CATSPERB: variants seen among roughly 807,000 people sequenced by gnomAD.
CATSPERB encodes cation channel sperm-associated auxiliary subunit beta.
Under a neutral mutation model 128.3 loss-of-function variants are expected in CATSPERB, and 93 were observed. That is an observed-to-expected ratio of 0.72 (90% CI 0.61 to 0.86). The LOEUF is 0.86. CATSPERB is among the 40% of genes least tolerant of loss of function. The probability of loss-of-function intolerance (pLI) is 0.00; values close to 1 mark genes in which losing one functional copy is unlikely to be tolerated. For synonymous variants in CATSPERB, 381 were observed against 448.8 expected (o/e 0.85, Z 1.91); for missense variants, 1,153 against 1,329.5 (o/e 0.87, Z 2.06).
intron 17 of CATSPERB, among the ~76,000 whole-genome samples, chr14:91,629,428 G>A (rs564379677): frequency 6.6e-6 from 1 of 152,292 alleles, no homozygotes; most frequent in African/African-American, 2.4e-5. Flanking sequence ...TCTTCTGTAT[G>A]ATATTGTGAT....
At chr14:91,633,977 C>CA (rs796567923) in intron 17 of CATSPERB, among the ~76,000 whole-genome samples, 28 of 151,578 alleles carry the variant, frequency 1.8e-4, no homozygotes, top group South Asian at 6.3e-4. Context: ...AAGGAAAAAA[C>CA]AAAAAAAATT....
chr14:91,674,285 G>A lies in CATSPERB; in HGVS notation c.932-63C>T, dbSNP rs1372504185. ...TATCTGTATTTCTAAAACTGGAAGG[G>A]TTAGTCTTAATAGTCTTCATGAAAA... On this transcript the variant is annotated intron_variant, in intron 11 of 26. Transcript: ENST00000256343. 4.0e-6 allele frequency: 4 copies of A among 1,011,962 alleles called. No homozygotes were observed. The South Asian group carries it at 4.2e-5, about 11-fold the overall frequency. 62.7% of individuals were successfully genotyped at this position (1,011,962 alleles called of 1,614,324 possible). A position where few individuals can be genotyped will look rare whatever the true frequency, so the allele number is the denominator to read the frequency against.
chr14:91,671,814 G>A (rs1356018647), intron 13 of CATSPERB, among the ~76,000 whole-genome samples: 2 of 152,018 alleles, frequency 1.3e-5, no homozygotes, highest in South Asian at 2.1e-4. Context: ...GGCAGATCAC[G>A]AGGTCAGGAG....
chr14:91,592,205 AC>A, intron 22 of CATSPERB: 1 of 568,496 alleles, frequency 1.8e-6, no homozygotes, highest in Admixed American at 3.2e-5. Context: ...GGTAATTTGA[AC>A]CCAAGTATTA....
intron 13 of CATSPERB, among the ~76,000 whole-genome samples, chr14:91,670,961 C>T (rs914925571): frequency 1.2e-4 from 19 of 152,108 alleles, no homozygotes; most frequent in Non-Finnish European, 1.5e-4. Flanking sequence ...CAAGATCGCT[C>T]CACTGCACTC....
chr14:91,710,301 T>A (rs918099922), intron 5 of CATSPERB: 5 of 152,228 alleles, frequency 3.3e-5, no homozygotes, highest in African/African-American at 1.2e-4. Context: ...TGAAAATGTA[T>A]CTTTTTTAAA....
intron 15 of CATSPERB, 22 bp downstream of exon 15, chr14:91,659,815 C>T (rs1387911917): frequency 2.5e-6 from 4 of 1,598,876 alleles, no homozygotes; most frequent in Non-Finnish European, 2.5e-6. Context: ...AATGCTTACA[C>T]CAGTGAAAGC....
At chr14:91,718,998 A>T (rs923291972) in intron 5 of CATSPERB, among the ~76,000 whole-genome samples, 16 of 152,212 alleles carry the variant, frequency 1.1e-4, no homozygotes, top group African/African-American at 3.9e-4. Context: ...TACATACAGT[A>T]GCATATGATG....
chr14:91,634,067 C>A (rs988731485), intron 17 of CATSPERB, among the ~76,000 whole-genome samples: 3 of 152,072 alleles, frequency 2.0e-5, no homozygotes, highest in Non-Finnish European at 4.4e-5. Context: ...ACTTTTAATT[C>A]CCCCCAAATT....
chr14:91,615,775 C>T (rs958470003), intron 20 of CATSPERB, among the ~76,000 whole-genome samples: 3 of 152,122 alleles, frequency 2.0e-5, no homozygotes, highest in Non-Finnish European at 2.9e-5. Flanking sequence ...ACACAGACAT[C>T]TTTTTGACAA....
intron 19 of CATSPERB, among the ~76,000 whole-genome samples, chr14:91,618,256 AG>A (rs1893981999): frequency 6.6e-6 from 1 of 152,134 alleles, no homozygotes; most frequent in Admixed American, 6.5e-5. Context: ...GGTTTTGCCC[AG>A]CTTCTTTACT....
At chr14:91,626,369 T>A in intron 17 of CATSPERB, among the ~76,000 whole-genome samples, 1 of 136,902 alleles carries the variant, frequency 7.3e-6, no homozygotes, top group South Asian at 2.4e-4. Flanking sequence ...CTTTTTTTTT[T>A]TTTTTTTTTT....
At chr14:91,708,498 G>A (rs1447227182) in intron 5 of CATSPERB, among the ~76,000 whole-genome samples, 1 of 152,176 alleles carries the variant, frequency 6.6e-6, no homozygotes, top group East Asian at 1.9e-4. Context: ...TCCTAGAGCT[G>A]TAGGGGCTTG....
chr14:91,705,153 TATC>T (rs1895714130), intron 6 of CATSPERB, among the ~76,000 whole-genome samples: 3 of 152,236 alleles, frequency 2.0e-5, no homozygotes, highest in African/African-American at 7.2e-5. Flanking sequence ...CAGGGACAGT[TATC>T]ATTAGTGGCC....
intron 9 of CATSPERB, among the ~76,000 whole-genome samples, chr14:91,692,326 TTACAATA>T (rs1350221662): frequency 3.9e-5 from 6 of 152,178 alleles, no homozygotes; most frequent in African/African-American, 1.4e-4. Context: ...AGGTCAGGAC[TTACAATA>T]TACAATCCCC....
rs765159629 is a variant in CATSPERB at position 91,723,153 on chromosome 14, C to T, written c.205G>A (p.Ala69Thr). The T allele has an allele frequency of 2.0e-6, 3 of 1,494,094 alleles. No individual in the cohort carries two copies. Among genetic ancestry groups the T allele is most frequent in the Non-Finnish European group, 1.8e-6 (2 of 1,120,992 alleles). 92.6% of individuals were successfully genotyped at this position (1,494,094 alleles called of 1,614,324 possible). ...AACACACTTAGCATTGCTTTTGATG[C>T]AATTTCATTTTCAGTTTGGAAGAAA... ...QCFFQTENEI[A>T]SKAMLSVFTS... Residue 69 changes from alanine (A) to threonine (T), a missense_variant, in exon 4 of 27, where the codon GCA (alanine) becomes ACA (threonine). Coordinates refer to ENST00000256343, the MANE Select transcript of CATSPERB (RefSeq NM_024764.4).
intron 15 of CATSPERB, among the ~76,000 whole-genome samples, chr14:91,639,983 A>AT (rs1162738494): frequency 6.6e-6 from 1 of 150,450 alleles, no homozygotes; most frequent in East Asian, 2.0e-4. Flanking sequence ...CAGTTTTAGG[A>AT]TTTTAAATCC....
chr14:91,664,036 TC>T (rs1003476017), intron 14 of CATSPERB, among the ~76,000 whole-genome samples: 26 of 152,154 alleles, frequency 1.7e-4, no homozygotes, highest in African/African-American at 6.3e-4. Flanking sequence ...ATGGCATGTA[TC>T]CACCATTATA....
rs1894052375 is a variant in CATSPERB at position 91,621,844 on chromosome 14, TTA to T, written c.2022_2023del (p.Asn674LysfsTer11). 6.2e-7 allele frequency: 1 copy of T among 1,614,154 alleles called. No individual in the cohort carries two copies. The highest frequency in any genetic ancestry group is 2.2e-5 in the East Asian group (1 of 44,876). On this transcript the variant is annotated frameshift_variant, in exon 19 of 27. Transcript: ENST00000256343. LOFTEE classifies it high-confidence loss of function. ...CATGGTAGCAATGGCTAATGCATTC[TTA>T]TTATCTAAAATGCTTGTGATGAGGA...
Sources: gnomAD v4.1 joint callset for allele counts (sites outside exome capture counted in the v4.1 genomes callset) on GRCh38, gnomAD v4.1.1 for gene constraint, MANE v1.5 for transcripts, NCBI Gene and HGNC (gene_info 2026-07-23, HGNC 2026-07-21) for gene names.